NALF1: variants seen among roughly 807,000 people sequenced by gnomAD.
NALF1 encodes the protein family with sequence similarity 155 member A.
NALF1 carries 3 observed loss-of-function variants against 48.4 expected under a neutral mutation model. The observed-to-expected ratio is 0.06, with a 90% CI of 0.03 to 0.16. The LOEUF (loss-of-function observed/expected upper bound fraction) is 0.16. Ranked by LOEUF, NALF1 falls within the 10% of genes least tolerant of loss-of-function variation. The probability of loss-of-function intolerance (pLI) is 1.00; values close to 1 mark genes in which losing one functional copy is unlikely to be tolerated. For missense variants in NALF1, 526 were observed against 571.5 expected (o/e 0.92, Z 0.81); for synonymous variants, 262 against 245.7 (o/e 1.07, Z -0.62).
At chr13:107,658,448 A>G (rs553525009) in intron 1 of NALF1, among the ~76,000 whole-genome samples, 40 of 152,094 alleles carry the variant, frequency 2.6e-4, no homozygotes, top group African/African-American at 8.4e-4. Context: ...GTCATTTCGT[A>G]TCAATTATCA....
chr13:107,665,408 T>C (rs897556588), intron 1 of NALF1, among the ~76,000 whole-genome samples: 15 of 152,146 alleles, frequency 9.9e-5, no homozygotes, highest in African/African-American at 3.6e-4. Context: ...GGCAATAGTT[T>C]TGTTTTTGTT....
At chr13:107,590,734 A>T (rs568599770) in intron 1 of NALF1, among the ~76,000 whole-genome samples, 2 of 152,098 alleles carry the variant, frequency 1.3e-5, no homozygotes, top group East Asian at 3.9e-4. Flanking sequence ...ATCAGTTTAC[A>T]TTGCCTTATG....
intron 1 of NALF1, among the ~76,000 whole-genome samples, chr13:107,839,669 G>A (rs1000895546): frequency 3.5e-5 from 5 of 144,884 alleles, no homozygotes; most frequent in African/African-American, 1.0e-4. Flanking sequence ...TGGGGAAAAT[G>A]TGGTCCTGCA....
At chr13:107,714,933 G>A (rs951882151) in intron 1 of NALF1, among the ~76,000 whole-genome samples, 1 of 151,806 alleles carries the variant, frequency 6.6e-6, no homozygotes, top group Admixed American at 6.6e-5. Context: ...GTTACTATTC[G>A]TAGCAAGGGA....
At chr13:107,464,814 C>G (rs1884974549) in intron 1 of NALF1, among the ~76,000 whole-genome samples, 1 of 152,126 alleles carries the variant, frequency 6.6e-6, no homozygotes, top group African/African-American at 2.4e-5. Context: ...GCCACCACAC[C>G]CGGCGGCAAT....
chr13:107,758,492 C>T (rs766626814), intron 1 of NALF1, among the ~76,000 whole-genome samples: 11 of 152,070 alleles, frequency 7.2e-5, no homozygotes, highest in East Asian at 1.9e-4. Context: ...GAGGCTGAGG[C>T]GGGCGGATCA....
chr13:107,588,769 A>G (rs774403275), intron 1 of NALF1, among the ~76,000 whole-genome samples: 4 of 152,196 alleles, frequency 2.6e-5, no homozygotes, highest in Middle Eastern at 3.4e-3. Flanking sequence ...GGCATTCTGC[A>G]TAGGTACAAA....
At chr13:107,751,910 T>C (rs1324571694) in intron 1 of NALF1, among the ~76,000 whole-genome samples, 1 of 152,112 alleles carries the variant, frequency 6.6e-6, no homozygotes, top group Admixed American at 6.6e-5. Flanking sequence ...ATCAAGGTGC[T>C]TGGAATTTTA....
chr13:107,342,771 A>C (rs1386174697), intron 1 of NALF1, among the ~76,000 whole-genome samples: 4 of 152,210 alleles, frequency 2.6e-5, no homozygotes, highest in African/African-American at 7.2e-5. Flanking sequence ...GAAATGTAAA[A>C]GGAATCAGAG....
At chr13:107,444,917 A>C (rs962801855) in intron 1 of NALF1, among the ~76,000 whole-genome samples, 8 of 152,316 alleles carry the variant, frequency 5.3e-5, no homozygotes, top group Non-Finnish European at 1.2e-4. Flanking sequence ...CAGTTGCAGA[A>C]ATTTTTTTTA....
At chr13:107,334,415 T>A (rs944233174) in intron 1 of NALF1, among the ~76,000 whole-genome samples, 1 of 152,156 alleles carries the variant, frequency 6.6e-6, no homozygotes, top group Non-Finnish European at 1.5e-5. Context: ...ACCCCTCCTT[T>A]CCAAGCACTC....
At chr13:107,470,288 C>A (rs1885078951) in intron 1 of NALF1, among the ~76,000 whole-genome samples, 1 of 152,108 alleles carries the variant, frequency 6.6e-6, no homozygotes, top group African/African-American at 2.4e-5. Context: ...AGAAAGGATC[C>A]AAACATTCAA....
At chr13:107,674,156 T>TA (rs74464898) in intron 1 of NALF1, among the ~76,000 whole-genome samples, 4,365 of 141,378 alleles carry the variant, frequency 0.031, 134 homozygotes, top group African/African-American at 0.083. Context: ...ATGGAAAGGT[T>TA]AAAAAAAAAA....
At chr13:107,340,489 T>C (rs9520393) in intron 1 of NALF1, among the ~76,000 whole-genome samples, 6,931 of 56,586 alleles carry the variant, frequency 0.12, 300 homozygotes, top group East Asian at 0.19. Flanking sequence ...TTCTTTCTTT[T>C]TGTCTTTCTT....
At chr13:107,500,163 C>T (rs1035273761) in intron 1 of NALF1, among the ~76,000 whole-genome samples, 4 of 152,160 alleles carry the variant, frequency 2.6e-5, no homozygotes, top group African/African-American at 9.7e-5. Context: ...AAAAAACACT[C>T]CACTGTTTTG....
chr13:107,468,734 A>G (rs1464236918), intron 1 of NALF1, among the ~76,000 whole-genome samples: 1 of 152,200 alleles, frequency 6.6e-6, no homozygotes, highest in Non-Finnish European at 1.5e-5. Context: ...TCGAATATGC[A>G]AACAAATAGT....
chr13:107,528,674 T>C (rs1278106451), intron 1 of NALF1, among the ~76,000 whole-genome samples: 1 of 152,046 alleles, frequency 6.6e-6, no homozygotes, highest in Non-Finnish European at 1.5e-5. Context: ...ACATAGTAGG[T>C]CCTGAGGAAT....
At position 107,614,550 on chromosome 13, in the gene NALF1, A is replaced by G. The variant is rs114324273; in HGVS notation, c.915+251132T>C. On this transcript the variant is annotated intron_variant, in intron 1 of 2. Transcript: ENST00000375915. ...GAAGATTTGATAAGCTAATGTTTATAAAGTCCTTAGAACATTATAAGTGCT... is the reference window on the plus strand; with the variant it reads ...GAAGATTTGATAAGCTAATGTTTATGAAGTCCTTAGAACATTATAAGTGCT... Among the ~76,000 whole-genome samples the G allele has an allele frequency of 5.1e-3, 784 of 152,324 alleles. 9 individuals carry two copies. The highest frequency in any genetic ancestry group is 0.018 in the African/African-American group (734 of 41,570).
chr13:107,222,366 A>G (rs1487923473), intron 1 of NALF1, among the ~76,000 whole-genome samples: 1 of 152,170 alleles, frequency 6.6e-6, no homozygotes, highest in African/African-American at 2.4e-5. Flanking sequence ...TATTCCACCC[A>G]TTTAAGATTT....
Sources: allele counts gnomAD v4.1 joint callset (sites outside exome capture counted in the v4.1 genomes callset), GRCh38; gene constraint gnomAD v4.1.1; transcripts MANE v1.5; gene names NCBI Gene and HGNC (gene_info 2026-07-23, HGNC 2026-07-21).